The following BIVM variants were observed in gnomAD, a reference collection of about 807,000 sequenced individuals.
BIVM encodes basic, immunoglobulin-like variable motif containing.
A neutral mutation model predicts 61.4 loss-of-function variants in BIVM; 31 were observed. That is an observed-to-expected ratio of 0.51 (90% confidence interval 0.38 to 0.68). The LOEUF (loss-of-function observed/expected upper bound fraction) is 0.68. Ranked by LOEUF, BIVM falls within the 30% of genes least tolerant of loss-of-function variation. The pLI is 0.00. For synonymous variants in BIVM, 189 were observed against 210.7 expected (o/e 0.90, Z 0.89); for missense variants, 526 against 596.0 (o/e 0.88, Z 1.22).
intron 3 of BIVM, among the ~76,000 whole-genome samples, chr13:102,811,395 A>G (rs1321887561): frequency 2.6e-5 from 4 of 152,210 alleles, no homozygotes; most frequent in Non-Finnish European, 4.4e-5. Flanking sequence ...CTTTGAATAT[A>G]TCAGCCCACT....
In BIVM at chr13:102,801,759, T is replaced by C. The variant is rs377022709; in HGVS notation, c.-207+2238T>C. 14 of 152,336 alleles carry C rather than the reference T, an allele frequency of 9.2e-5. No homozygotes were observed. The East Asian group carries it at 1.7e-3, about 19-fold the overall frequency. 9.4% of individuals were successfully genotyped at this position (152,336 alleles called of 1,614,324 possible). ...CAGACGTTGATCATATGAACAGATATGCACAGAAGTAAGTGTAAAATTGCC... is the reference window on the plus strand; with the variant it reads ...CAGACGTTGATCATATGAACAGATACGCACAGAAGTAAGTGTAAAATTGCC... On this transcript the variant is annotated intron_variant, in intron 1 of 10. Coordinates refer to ENST00000257336, the MANE Select transcript of BIVM (RefSeq NM_017693.4).
intron 8 of BIVM, among the ~76,000 whole-genome samples, chr13:102,831,950 G>A (rs1295757): frequency 6.7e-6 from 1 of 149,998 alleles, no homozygotes; most frequent in South Asian, 2.1e-4. Flanking sequence ...GAGGCTGAGG[G>A]AGGAGAATGG....
Position 102,807,566 on chromosome 13 carries a change from T to C in BIVM, c.299T>C (p.Leu100Ser), listed in dbSNP as rs1245669971. ...CCTTGCCTCCCTGATAGTACCTCTT[T>C]ATCTGCTGGAAATAATTCATCAAGA... is the stretch of plus-strand genomic sequence containing the variant. Reference protein sequence around the residue: ...RSPCLPDSTSLSAGNNSSRYI... With the variant: ...RSPCLPDSTSSSAGNNSSRYI... The change falls in exon 3 of 11, where the codon TTA (leucine) becomes TCA (serine). Residue 100 changes from leucine to serine, a missense_variant. Physicochemically the swap from Leu to Ser is moderately radical, Grantham distance 145 (BLOSUM62 -2). Transcript: ENST00000257336. This position sits in a 1 kb window ranked among gnomAD's most constrained non-coding sequence, Gnocchi z 4.0. 3 of 1,614,128 alleles carry C rather than the reference T, an allele frequency of 1.9e-6. No homozygotes were observed. The highest frequency in any genetic ancestry group is 1.1e-5 in the South Asian group (1 of 91,096).
intron 1 of BIVM, among the ~76,000 whole-genome samples, chr13:102,800,249 C>T (rs1254463543): frequency 6.6e-6 from 1 of 152,216 alleles, no homozygotes; most frequent in Non-Finnish European, 1.5e-5. Flanking sequence ...TGCCCGTGGG[C>T]CCCCTTTAAC....
At chr13:102,826,056 T>C (rs569031304) in intron 7 of BIVM, among the ~76,000 whole-genome samples, 1 of 152,288 alleles carries the variant, frequency 6.6e-6, no homozygotes, top group African/African-American at 2.4e-5. Flanking sequence ...GAATTCGCAA[T>C]TGAGGATATG....
At chr13:102,816,643 A>G (rs2139186482) in intron 4 of BIVM, 89 bp downstream of exon 4, 1 of 1,132,208 alleles carries the variant, frequency 8.8e-7, no homozygotes, top group Admixed American at 3.2e-5. Context: ...AATACATTAT[A>G]TGTATCATAA....
intron 5 of BIVM, 121 bp downstream of exon 5, chr13:102,821,253 T>G: frequency 1.2e-6 from 1 of 838,420 alleles, no homozygotes; most frequent in Non-Finnish European, 1.8e-6. Context: ...TGCTGTATTT[T>G]AGTGTAAGTC....
chr13:102,838,954 C>T (rs1566458401), intron 10 of BIVM, among the ~76,000 whole-genome samples: 2 of 152,232 alleles, frequency 1.3e-5, no homozygotes, highest in Non-Finnish European at 2.9e-5. Flanking sequence ...ATTGGAATGA[C>T]AGCAAGGGCC....
At chr13:102,811,604 A>C (rs938574804) in intron 3 of BIVM, among the ~76,000 whole-genome samples, 4 of 152,044 alleles carry the variant, frequency 2.6e-5, no homozygotes, top group Non-Finnish European at 5.9e-5. Context: ...GCTCACCACA[A>C]CCTCCACCTT....
intron 7 of BIVM, among the ~76,000 whole-genome samples, chr13:102,827,510 T>A (rs755962343): frequency 6.6e-6 from 1 of 152,174 alleles, no homozygotes; most frequent in Non-Finnish European, 1.5e-5. Context: ...GTGCATTTCC[T>A]GAAGGATAAT....
chr13:102,807,481 G>T lies in BIVM; in HGVS notation c.214G>T (p.Asp72Tyr). 1 of 1,614,152 alleles carries T rather than the reference G, an allele frequency of 6.2e-7. No individual in the cohort carries two copies. The highest frequency in any genetic ancestry group is 8.5e-7 in the Non-Finnish European group (1 of 1,180,032). Residue 72 changes from aspartate to tyrosine, a missense_variant, in exon 3 of 11, where the codon GAC (aspartate) becomes TAC (tyrosine). Physicochemically the swap from Asp to Tyr is radical, Grantham distance 160. Around this residue, in one of 3 missense-constraint regions of BIVM, gnomAD observed 312 missense variants for 343.8 expected, o/e 0.91. Transcript: ENST00000257336. The surrounding 1 kb of genome is among the most constrained non-coding windows in gnomAD (Gnocchi z 4.0). ...TREKIYAICS[D>Y]YAFLNQATSI... The stretch of plus-strand genomic sequence containing the variant: ...GGAAAAAATTTATGCCATCTGTTCG[G>T]ACTATGCCTTTCTCAACCAGGCGAC...
Position 102,799,152 on chromosome 13 carries a change from G to T in BIVM, c.-576G>T, listed in dbSNP as rs1379426637. 3 of 393,720 alleles carry T rather than the reference G, an allele frequency of 7.6e-6. No homozygotes were observed. Among genetic ancestry groups the T allele is most frequent in the African/African-American group, 2.1e-5 (1 of 48,472 alleles). 24.4% of individuals were successfully genotyped at this position (393,720 alleles called of 1,614,324 possible). On this transcript the variant is annotated 5_prime_UTR_variant, in exon 1 of 11. Transcript: ENST00000257336. Reference sequence around the variant, plus strand: ...ACAGGACGAGCGGAAATACTGCCAGGATTTTACCACCTCTCGCCCATTTAT... The same window carrying T: ...ACAGGACGAGCGGAAATACTGCCAGTATTTTACCACCTCTCGCCCATTTAT...
chr13:102,810,028 C>T (rs986687590), intron 3 of BIVM, among the ~76,000 whole-genome samples: 2 of 152,154 alleles, frequency 1.3e-5, no homozygotes, highest in Non-Finnish European at 2.9e-5. Flanking sequence ...CCGCCTCGGC[C>T]TCCCAAAGTG....
chr13:102,835,544 G>T (rs113229394), intron 9 of BIVM, among the ~76,000 whole-genome samples: 8 of 152,098 alleles, frequency 5.3e-5, no homozygotes, highest in South Asian at 2.1e-4. Context: ...TGTTTGTTTG[G>T]TTTTTTTAAG....
At chr13:102,806,310 C>T (rs1011069783) in intron 2 of BIVM, among the ~76,000 whole-genome samples, 76 of 152,062 alleles carry the variant, frequency 5.0e-4, no homozygotes, top group African/African-American at 4.8e-5. Context: ...AGTGTAGTGG[C>T]GCGATCTCGG....
intron 7 of BIVM, among the ~76,000 whole-genome samples, chr13:102,826,088 T>C (rs1291054817): frequency 1.3e-5 from 2 of 152,146 alleles, no homozygotes; most frequent in Non-Finnish European, 2.9e-5. Flanking sequence ...ATTCAGGAGA[T>C]TGGGGTTACG....
At chr13:102,800,345 C>G (rs1003991098) in intron 1 of BIVM, 1 of 152,228 alleles carries the variant, frequency 6.6e-6, no homozygotes, top group Non-Finnish European at 1.5e-5. Context: ...CGGAGAGCCT[C>G]GTCTTCCGGC....
intron 7 of BIVM, among the ~76,000 whole-genome samples, chr13:102,828,052 G>A (rs753002786): frequency 1.4e-4 from 21 of 152,122 alleles, no homozygotes; most frequent in African/African-American, 9.7e-5. Context: ...TGGGCTTTAC[G>A]TTTTCCTGGG....
chr13:102,806,438 C>T (rs1260081642), intron 2 of BIVM, among the ~76,000 whole-genome samples: 5 of 151,954 alleles, frequency 3.3e-5, no homozygotes, highest in South Asian at 4.2e-4. Flanking sequence ...TTAGAAGGGA[C>T]GGGGTTTCAC....
Sources: gnomAD v4.1 joint callset for allele counts (sites outside exome capture counted in the v4.1 genomes callset) on GRCh38, gnomAD v4.1.1 for gene constraint, gnomAD v4.1.1 regional missense constraint, Gnocchi (gnomAD v3.1) non-coding constraint, MANE v1.5 for transcripts, NCBI Gene and HGNC (gene_info 2026-07-23, HGNC 2026-07-21) for gene names.